The following FARSA variants were observed in gnomAD, a reference collection of about 807,000 sequenced individuals.
FARSA encodes phenylalanine--tRNA ligase alpha subunit.
FARSA carries 37 observed loss-of-function variants against 63.2 expected under a neutral mutation model. The ratio of observed to expected loss-of-function variants is 0.59; its 90% CI spans 0.45 to 0.77. The LOEUF (loss-of-function observed/expected upper bound fraction) is 0.77, where lower values mean the gene tolerates loss of function less well. Ranked by LOEUF, FARSA falls within the 30% of genes least tolerant of loss-of-function variation. FARSA has a pLI of 0.00. For synonymous variants in FARSA, 312 were observed against 285.1 expected (o/e 1.09, Z -0.95); for missense variants, 618 against 696.6 (o/e 0.89, Z 1.27).
chr19:12,924,758 T>C lies in FARSA; in HGVS notation c.1076A>G (p.Asn359Ser), dbSNP rs1233111905. ...KYFSIDRVFR[N>S]ETLDATHLAE... ...CAGGTGCGTGGCGTCCAGGGTCTCATTCCGGAATACGCGGTCGATGGAGAA... is the reference window on the plus strand; with the variant it reads ...CAGGTGCGTGGCGTCCAGGGTCTCACTCCGGAATACGCGGTCGATGGAGAA... The change falls in exon 10 of 13, where the codon AAT (asparagine) becomes AGT (serine). Residue 359 changes from asparagine to serine, a missense_variant. Transcript: ENST00000314606. The surrounding 1 kb of genome is among the most constrained non-coding windows in gnomAD (Gnocchi z 6.4). The C allele has an allele frequency of 5.0e-6, 8 of 1,602,456 alleles. No homozygotes were observed. The highest frequency in any genetic ancestry group is 6.8e-6 in the Non-Finnish European group (8 of 1,172,074).
intron 4 of FARSA, among the ~76,000 whole-genome samples, chr19:12,929,183 G>A (rs957845893): frequency 6.6e-6 from 1 of 152,156 alleles, no homozygotes; most frequent in African/African-American, 2.4e-5. Flanking sequence ...GCCCCGGAAA[G>A]AGGGCAGTTT....
At chr19:12,925,693 A>G (rs970009106) in intron 7 of FARSA, among the ~76,000 whole-genome samples, 11 of 150,246 alleles carry the variant, frequency 7.3e-5, no homozygotes, top group African/African-American at 2.2e-4. Flanking sequence ...ATGTATTTTG[A>G]GATGGAGTCT....
intron 5 of FARSA, 24 bp from the exon 6 acceptor site, chr19:12,928,687 G>C (rs555932113): frequency 6.2e-7 from 1 of 1,613,548 alleles, no homozygotes; most frequent in Non-Finnish European, 8.5e-7. Context: ...CAAGGGCCTG[G>C]TAAGGGCTGC....
In FARSA at chr19:12,928,450, C is replaced by T. The variant is rs781333030; in HGVS notation, c.733G>A (p.Glu245Lys). The T allele has an allele frequency of 3.7e-6, 6 of 1,614,086 alleles. No homozygotes were observed. Among genetic ancestry groups the T allele is most frequent in the South Asian group, 2.2e-5 (2 of 91,060 alleles). The change falls in exon 7 of 13, where the codon GAG (glutamate) becomes AAG (lysine). Residue 245 changes from glutamate to lysine, a missense_variant. Glu to Lys is a moderately conservative substitution (Grantham distance 56). Coordinates refer to ENST00000314606, the MANE Select transcript of FARSA (RefSeq NM_004461.3). ...RQIFLEMGFT[E>K]MPTDNFIESS... ...TCAATGAAGTTATCAGTCGGCATCT[C>T]GGTGAACCTGGTGGGAGACACAGCC...
rs754673695 is a variant in FARSA, at chr19:12,924,401, A to C, written c.1273+48T>G. On this transcript the variant is annotated intron_variant, in intron 11 of 12. Coordinates refer to ENST00000314606, the MANE Select transcript of FARSA (RefSeq NM_004461.3). This position sits in a 1 kb window ranked among gnomAD's most constrained non-coding sequence, Gnocchi z 6.4. ...AATGGGGGGACCCAGGCCAAACCAT[A>C]GTAGCCTGAGACCTCCCTCCCACCC... 6.3e-7 allele frequency: 1 copy of C among 1,592,674 alleles called. No individual in the cohort carries two copies. Among genetic ancestry groups the C allele is most frequent in the South Asian group, 1.1e-5 (1 of 90,682 alleles).
chr19:12,926,232 T>C (rs1971325220), intron 7 of FARSA, among the ~76,000 whole-genome samples: 1 of 146,634 alleles, frequency 6.8e-6, no homozygotes, highest in Non-Finnish European at 1.5e-5. Flanking sequence ...ATTACAGGCG[T>C]GAGCCACCGC....
At position 12,930,597 on chromosome 19, in the gene FARSA, C is replaced by T. The variant is rs780203774; in HGVS notation, c.285+15G>A. On this transcript the variant is annotated intron_variant, in intron 2 of 12. Coordinates refer to ENST00000314606, the MANE Select transcript of FARSA (RefSeq NM_004461.3). ...CATCCCATCACTCACTCCCCATTCA[C>T]CCCGCAGCTCCTACCATAAGCTCGC... 4 of 1,607,336 alleles carry T rather than the reference C, an allele frequency of 2.5e-6. No homozygotes were observed. Among genetic ancestry groups the T allele is most frequent in the Non-Finnish European group, 3.4e-6 (4 of 1,175,648 alleles).
Position 12,924,666 on chromosome 19 carries a change from C to T in FARSA, c.1168G>A (p.Val390Ile), listed in dbSNP as rs375677041. 68 of 1,596,844 alleles carry T rather than the reference C, an allele frequency of 4.3e-5. No homozygotes were observed. Among genetic ancestry groups the T allele is most frequent in the African/African-American group, 1.7e-4 (13 of 74,806 alleles). Residue 390 changes from valine to isoleucine, a missense_variant, in exon 10 of 13, where the codon GTT becomes ATT. Transcript: ENST00000314606. The surrounding 1 kb of genome is among the most constrained non-coding windows in gnomAD (Gnocchi z 6.4). ...AGCTTGGTGAAGAACTCCCGCAGAACGCCCATGAGGTGGCCCAAGGTGAGA... is the reference window on the plus strand; with the variant it reads ...AGCTTGGTGAAGAACTCCCGCAGAATGCCCATGAGGTGGCCCAAGGTGAGA... ...HGLTLGHLMG[V>I]LREFFTKLGI...
At chr19:12,925,459 G>C (rs1971315927) in intron 7 of FARSA, among the ~76,000 whole-genome samples, 1 of 151,940 alleles carries the variant, frequency 6.6e-6, no homozygotes, top group Admixed American at 6.6e-5. Flanking sequence ...CCAAGTTCAA[G>C]CAATTCTCCT....
intron 7 of FARSA, among the ~76,000 whole-genome samples, chr19:12,926,028 G>T (rs1002714253): frequency 9.9e-5 from 15 of 151,374 alleles, no homozygotes; most frequent in African/African-American, 3.6e-4. Flanking sequence ...GAGTGCAGTG[G>T]CGCGATCTCG....
chr19:12,928,815 C>A lies in FARSA; in HGVS notation c.536G>T (p.Ser179Ile), dbSNP rs1971358422. Residue 179 changes from serine to isoleucine, a missense_variant, in exon 5 of 13, where the codon AGT (serine) becomes ATT (isoleucine). Ser to Ile is a moderately radical substitution (Grantham distance 142). Transcript: ENST00000314606. ...CTTGGAGATGCTGGTACTAAAGGCA[C>A]TGCCTTTGCTCACCCAGTAGGTCTT... is the stretch of plus-strand genomic sequence containing the variant. ...TLKTYWVSKG[S>I]AFSTSISKQE... 1.2e-6 allele frequency: 2 copies of A among 1,614,164 alleles called. No individual in the cohort carries two copies. The highest frequency in any genetic ancestry group is 3.3e-4 in the Middle Eastern group (2 of 6,062).
At chr19:12,933,178 G>A (rs938261606) in intron 1 of FARSA, 2 of 266,726 alleles carry the variant, frequency 7.5e-6, no homozygotes, top group Admixed American at 1.1e-4. Flanking sequence ...CCTGCACCAG[G>A]CCGCTCTCCC....
Position 12,924,091 on chromosome 19 carries a change from CT to C in FARSA, c.1388+59del. 7.4e-7 allele frequency: 1 copy of C among 1,352,500 alleles called. No homozygotes were observed. The highest frequency in any genetic ancestry group is 1.1e-6 in the Non-Finnish European group (1 of 941,238). 83.8% of individuals were successfully genotyped at this position (1,352,500 alleles called of 1,614,324 possible). ...GGTGGTGCTGAAACCACGCAGGCCC[CT>C]ATACCTGGAGAGTTATTTGAGGCAG... On this transcript the variant is annotated intron_variant, in intron 12 of 12. Transcript: ENST00000314606. The surrounding 1 kb of genome is among the most constrained non-coding windows in gnomAD (Gnocchi z 6.4).
At chr19:12,928,912 C>T in intron 4 of FARSA, 65 bp from the exon 5 acceptor site, 7 of 1,415,484 alleles carry the variant, frequency 4.9e-6, no homozygotes, top group South Asian at 4.6e-5. Flanking sequence ...CTTGATCTCC[C>T]GTCTGATGAG....
intron 1 of FARSA, among the ~76,000 whole-genome samples, chr19:12,931,358 G>A (rs1445936302): frequency 1.3e-5 from 2 of 152,058 alleles, no homozygotes; most frequent in Admixed American, 6.6e-5. Context: ...CTGCCTCCCG[G>A]GTTCAAATGA....
chr19:12,923,262 A>T (rs1449182466), intron 12 of FARSA, among the ~76,000 whole-genome samples: 1 of 151,986 alleles, frequency 6.6e-6, no homozygotes, highest in Non-Finnish European at 1.5e-5. Flanking sequence ...TATACCACTT[A>T]CTGCCCTGGT....
chr19:12,929,504 G>A (rs977097314), intron 4 of FARSA, among the ~76,000 whole-genome samples: 1 of 152,118 alleles, frequency 6.6e-6, no homozygotes, highest in South Asian at 2.1e-4. Context: ...ATCGTGCCTG[G>A]CCCCTTTTTC....
Position 12,924,742 on chromosome 19 carries a change from G to A in FARSA, c.1092C>T (p.Ala364=). The A allele has an allele frequency of 6.2e-7, 1 of 1,601,156 alleles. No homozygotes were observed. The highest frequency in any genetic ancestry group is 8.5e-7 in the Non-Finnish European group (1 of 1,171,072). The change falls in exon 10 of 13, where the codon GCC becomes GCT. Residue 364 remains alanine, a synonymous_variant. Transcript: ENST00000314606. This position sits in a 1 kb window ranked among gnomAD's most constrained non-coding sequence, Gnocchi z 6.4. ...TCTGGTGGAACTCAGCCAGGTGCGT[G>A]GCGTCCAGGGTCTCATTCCGGAATA... ...DRVFRNETLD[A]THLAEFHQIE... is the part of the protein sequence containing the mutation.
Position 12,924,700 on chromosome 19 carries a change from C to T in FARSA, c.1134G>A (p.Ala378=), listed in dbSNP as rs148613387. ...GGTGGCCCAAGGTGAGACCATGATCCGCCACCACGCCCTCGATCTGGTGGA... is the reference window on the plus strand; with the variant it reads ...GGTGGCCCAAGGTGAGACCATGATCTGCCACCACGCCCTCGATCTGGTGGA... ...AEFHQIEGVV[A]DHGLTLGHLM... is the part of the protein sequence containing the mutation. The change falls in exon 10 of 13, where the codon GCG becomes GCA. Residue 378 remains alanine (A), a synonymous_variant. Coordinates refer to ENST00000314606, the MANE Select transcript of FARSA (RefSeq NM_004461.3). This position sits in a 1 kb window ranked among gnomAD's most constrained non-coding sequence, Gnocchi z 6.4. The T allele has an allele frequency of 2.8e-4, 444 of 1,592,676 alleles. 2 individuals carry two copies. Among genetic ancestry groups the T allele is most frequent in the Non-Finnish European group, 3.6e-4 (419 of 1,166,528 alleles).
Sources: gnomAD v4.1 joint callset for allele counts (sites outside exome capture counted in the v4.1 genomes callset) on GRCh38, gnomAD v4.1.1 for gene constraint, Gnocchi (gnomAD v3.1) non-coding constraint, MANE v1.5 for transcripts, NCBI Gene and HGNC (gene_info 2026-07-23, HGNC 2026-07-21) for gene names.